The following TAF3 variants were observed in gnomAD, a reference collection of about 807,000 sequenced individuals.
The protein encoded by TAF3 is TATA-box binding protein associated factor 3, also known as transcription initiation factor TFIID subunit 3.
In TAF3, 7 loss-of-function variants were observed where a neutral mutation model predicts 80.6. The observed-to-expected ratio is 0.09, with a 90% confidence interval of 0.05 to 0.16. The LOEUF (loss-of-function observed/expected upper bound fraction) is 0.16. Among genes scored for constraint, TAF3 ranks in the 10% least tolerant of loss-of-function variants. The probability of loss-of-function intolerance (pLI) is 1.00; values close to 1 mark genes in which losing one functional copy is unlikely to be tolerated. For synonymous variants in TAF3, 444 were observed against 446.1 expected, an observed-to-expected ratio of 1.00 and a Z score of 0.06; for missense variants, 921 against 1,140.2, an observed-to-expected ratio of 0.81 and a Z score of 2.77.
chr10:7,924,461 A>G (rs1362486988), intron 2 of TAF3, among the ~76,000 whole-genome samples: 1 of 152,104 alleles, frequency 6.6e-6, no homozygotes, highest in Non-Finnish European at 1.5e-5. Flanking sequence ...TTTGCTTGTT[A>G]AGTCCGGGGA....
intron 4 of TAF3, among the ~76,000 whole-genome samples, chr10:7,998,230 CTGAG>C (rs1831907442): frequency 7.6e-6 from 1 of 131,986 alleles, no homozygotes; most frequent in Non-Finnish European, 1.6e-5. Flanking sequence ...CTCAGAAAAT[CTGAG>C]TGAGAACTAT....
At chr10:7,860,142 C>T (rs1316323979) in intron 2 of TAF3, among the ~76,000 whole-genome samples, 1 of 151,874 alleles carries the variant, frequency 6.6e-6, no homozygotes, top group Non-Finnish European at 1.5e-5. Context: ...TGTGATGGTG[C>T]ATGCCTGTAG....
intron 2 of TAF3, among the ~76,000 whole-genome samples, chr10:7,890,268 AAG>A (rs1410540623): frequency 6.6e-6 from 1 of 152,108 alleles, no homozygotes; most frequent in Non-Finnish European, 1.5e-5. Flanking sequence ...TATCCCTTTT[AAG>A]ATTCAGTTCA....
chr10:7,983,670 A>G (rs1039141652), intron 4 of TAF3, among the ~76,000 whole-genome samples: 2 of 152,144 alleles, frequency 1.3e-5, no homozygotes, highest in African/African-American at 4.8e-5. Context: ...TATTTTGCCT[A>G]CGTTAAAAGC....
chr10:7,898,206 A>G (rs922845808), intron 2 of TAF3, among the ~76,000 whole-genome samples: 1 of 152,170 alleles, frequency 6.6e-6, no homozygotes, highest in Non-Finnish European at 1.5e-5. Context: ...GGACTGAGGA[A>G]TTTATGTTCC....
Position 7,902,203 on chromosome 10 carries a change from C to A in TAF3, c.410-61717C>A, listed in dbSNP as rs764744676. 2.1e-3 allele frequency among the ~76,000 whole-genome samples: 323 copies of A among 152,252 alleles called. 3 individuals carry two copies. The highest frequency in any genetic ancestry group is 6.8e-4 in the Non-Finnish European group (46 of 68,016). On this transcript the variant is annotated intron_variant, in intron 2 of 6. Coordinates refer to ENST00000344293, the MANE Select transcript of TAF3 (RefSeq NM_031923.4). ...CTTTGGGAGGCTGAGGCAGGCGAAT[C>A]ACTTGAGGTCGGGAGTTCGAGATCA...
At chr10:7,973,607 T>C (rs1387867989) in intron 3 of TAF3, among the ~76,000 whole-genome samples, 2 of 152,200 alleles carry the variant, frequency 1.3e-5, no homozygotes, top group African/African-American at 4.8e-5. Flanking sequence ...AAACCCACAT[T>C]ATCTACCCTA....
chr10:7,977,272 G>T lies in TAF3; in HGVS notation c.2264G>T (p.Ser755Ile). The T allele has an allele frequency of 6.2e-7, 1 of 1,614,196 alleles. No homozygotes were observed. The highest frequency in any genetic ancestry group is 8.5e-7 in the Non-Finnish European group (1 of 1,180,028). Residue 755 changes from serine (S) to isoleucine (I), a missense_variant, in exon 4 of 7, where the codon AGT becomes ATT. Transcript: ENST00000344293. ...GTGGAACCAGTCGCTCTGGCCCCGAGTCCAGTTATCCCCAGATTAACTCTC... is the reference window on the plus strand; with the variant it reads ...GTGGAACCAGTCGCTCTGGCCCCGATTCCAGTTATCCCCAGATTAACTCTC... ...IKVEPVALAPSPVIPRLTLRV... is the reference protein window; with the variant it reads ...IKVEPVALAPIPVIPRLTLRV...
chr10:7,991,467 A>G (rs1048056925), intron 4 of TAF3, among the ~76,000 whole-genome samples: 1 of 152,016 alleles, frequency 6.6e-6, no homozygotes, highest in African/African-American at 2.4e-5. Flanking sequence ...TTTTTCCCAA[A>G]CAAATTGTTA....
chr10:7,838,375 GTTGT>G (rs1554775950), intron 2 of TAF3, among the ~76,000 whole-genome samples: 2 of 151,316 alleles, frequency 1.3e-5, no homozygotes, highest in Non-Finnish European at 1.5e-5. Context: ...TTTTGTTGTT[GTTGT>G]TTGTTTGTTT....
chr10:7,826,329 A>G (rs954198319), intron 2 of TAF3, among the ~76,000 whole-genome samples: 1 of 152,210 alleles, frequency 6.6e-6, no homozygotes, highest in African/African-American at 2.4e-5. Context: ...ATATTCCATA[A>G]TAAAATTCTC....
At chr10:7,840,910 C>T (rs1836906120) in intron 2 of TAF3, among the ~76,000 whole-genome samples, 1 of 151,548 alleles carries the variant, frequency 6.6e-6, no homozygotes, top group Admixed American at 6.6e-5. Context: ...CGTGCAATGG[C>T]GTGATCTCGG....
rs753800312 is a variant in TAF3, at chr10:7,965,565, T to A, written c.2055T>A (p.Leu685=). 1.3e-6 allele frequency: 2 copies of A among 1,596,356 alleles called. No homozygotes were observed. The highest frequency in any genetic ancestry group is 2.3e-5 in the South Asian group (2 of 86,814). The change falls in exon 3 of 7, where the codon CTT becomes CTA. Residue 685 remains leucine, a synonymous_variant. Coordinates refer to ENST00000344293, the MANE Select transcript of TAF3 (RefSeq NM_031923.4). ...PAMLPSLLPV[L]PEKLFEEKEK... is the part of the protein sequence containing the mutation. ...TGCTGCCATCTTTGTTGCCAGTGCT[T>A]CCGGAAAAACTGTTTGAGGAGAAAG...
intron 2 of TAF3, among the ~76,000 whole-genome samples, chr10:7,907,420 A>G (rs1438842110): frequency 6.6e-6 from 1 of 152,230 alleles, no homozygotes; most frequent in Non-Finnish European, 1.5e-5. Flanking sequence ...TATTTAATTT[A>G]TATTAGAAAA....
At chr10:7,947,877 G>T (rs1838040850) in intron 2 of TAF3, among the ~76,000 whole-genome samples, 8 of 152,150 alleles carry the variant, frequency 5.3e-5, no homozygotes, top group Admixed American at 5.2e-4. Flanking sequence ...GGCTTTATGT[G>T]AAGAAGCAGC....
chr10:7,830,093 C>A (rs2131103382), intron 2 of TAF3, among the ~76,000 whole-genome samples: 1 of 152,244 alleles, frequency 6.6e-6, no homozygotes, highest in Non-Finnish European at 1.5e-5. Flanking sequence ...CTGCATCTTC[C>A]CGTGTGACCT....
intron 2 of TAF3, among the ~76,000 whole-genome samples, chr10:7,828,616 G>C (rs1162019781): frequency 1.3e-5 from 2 of 151,398 alleles, no homozygotes; most frequent in African/African-American, 4.9e-5. Flanking sequence ...GCTGAGGAAT[G>C]TCTGAAAATA....
chr10:7,922,182 C>T (rs1021362273), intron 2 of TAF3, among the ~76,000 whole-genome samples: 2 of 152,156 alleles, frequency 1.3e-5, no homozygotes, highest in Middle Eastern at 3.4e-3. Context: ...TTATTATAAT[C>T]GAGTACTTCT....
At chr10:7,896,571 G>T (rs929741747) in intron 2 of TAF3, among the ~76,000 whole-genome samples, 1 of 152,156 alleles carries the variant, frequency 6.6e-6, no homozygotes, top group African/African-American at 2.4e-5. Flanking sequence ...TTCGACAGTC[G>T]CATTTGGGGA....
Sources: gnomAD v4.1 joint callset for allele counts (sites outside exome capture counted in the v4.1 genomes callset) on GRCh38, gnomAD v4.1.1 for gene constraint, MANE v1.5 for transcripts, NCBI Gene and HGNC (gene_info 2026-07-23, HGNC 2026-07-21) for gene names.